TNKS2: variants seen among roughly 807,000 people sequenced by gnomAD.
The protein encoded by TNKS2 is poly [ADP-ribose] polymerase tankyrase-2.
In TNKS2, 72 loss-of-function variants were observed where a neutral mutation model predicts 137.6. The observed-to-expected ratio is 0.52, with a 90% CI of 0.43 to 0.64. The LOEUF (loss-of-function observed/expected upper bound fraction) is 0.64, where lower values mean the gene tolerates loss of function less well. Ranked by LOEUF, TNKS2 falls within the 30% of genes least tolerant of loss-of-function variation. The pLI, the probability that TNKS2 is intolerant of heterozygous loss-of-function variation, is 0.00. For synonymous variants in TNKS2, 516 were observed against 512.1 expected, an observed-to-expected ratio of 1.01 and a Z score of -0.10; for missense variants, 1,049 against 1,410.2, an observed-to-expected ratio of 0.74 and a Z score of 4.10.
intron 13 of TNKS2, among the ~76,000 whole-genome samples, chr10:91,837,878 AT>A (rs1842077963): frequency 6.6e-6 from 1 of 152,102 alleles, no homozygotes; most frequent in Non-Finnish European, 1.5e-5. Flanking sequence ...GATCCTCATT[AT>A]TCTCATTCCC....
At chr10:91,851,443 A>T in intron 21 of TNKS2, 107 bp downstream of exon 21, 1 of 1,266,268 alleles carries the variant, frequency 7.9e-7, no homozygotes, top group Non-Finnish European at 1.1e-6. Flanking sequence ...GTTTAATAGG[A>T]AGAATACTAA....
intron 1 of TNKS2, among the ~76,000 whole-genome samples, chr10:91,802,361 A>G (rs1474382995): frequency 6.6e-6 from 1 of 152,256 alleles, no homozygotes; most frequent in Non-Finnish European, 1.5e-5. Context: ...ATGTGGAAGA[A>G]TCACAAAGAG....
intron 7 of TNKS2, among the ~76,000 whole-genome samples, chr10:91,824,621 T>C (rs1206608130): frequency 6.6e-6 from 1 of 152,200 alleles, no homozygotes; most frequent in Non-Finnish European, 1.5e-5. Flanking sequence ...TATCTTTATC[T>C]TTATTGTGGT....
intron 6 of TNKS2, among the ~76,000 whole-genome samples, chr10:91,822,022 A>G (rs1367509664): frequency 3.3e-5 from 5 of 152,316 alleles, no homozygotes; most frequent in East Asian, 1.9e-4. Context: ...AGCTATTTCA[A>G]TAATGCAGGG....
At chr10:91,845,999 G>A in intron 18 of TNKS2, 59 bp downstream of exon 18, 1 of 1,389,976 alleles carries the variant, frequency 7.2e-7, no homozygotes, top group Non-Finnish European at 9.5e-7. Context: ...AAATTCACTT[G>A]ATGTTATTAT....
intron 1 of TNKS2, among the ~76,000 whole-genome samples, chr10:91,801,854 CA>C (rs1169776986): frequency 9.2e-5 from 14 of 152,094 alleles, no homozygotes; most frequent in African/African-American, 3.4e-4. Context: ...TTACTAAAAG[CA>C]AAAGTATCTG....
chr10:91,813,266 G>C, intron 2 of TNKS2, 59 bp downstream of exon 2: 1 of 1,379,016 alleles, frequency 7.3e-7, no homozygotes. Context: ...AATCTGAACT[G>C]AATTAATCTG....
intron 2 of TNKS2, among the ~76,000 whole-genome samples, chr10:91,816,508 C>T (rs1844702704): frequency 6.6e-6 from 1 of 152,268 alleles, no homozygotes; most frequent in Admixed American, 6.5e-5. Flanking sequence ...TTGCACCTTA[C>T]AAGTGCATTG....
chr10:91,813,327 C>A, intron 2 of TNKS2, 120 bp downstream of exon 2: 1 of 915,142 alleles, frequency 1.1e-6, no homozygotes, highest in Non-Finnish European at 1.6e-6. Flanking sequence ...AAGAACATCC[C>A]ATGATTTAAT....
At chr10:91,809,498 C>T (rs1844431063) in intron 1 of TNKS2, among the ~76,000 whole-genome samples, 2 of 151,924 alleles carry the variant, frequency 1.3e-5, no homozygotes, top group African/African-American at 4.8e-5. Context: ...AACCCCGTCT[C>T]TACTAAAAAT....
chr10:91,856,389 ACT>A (rs1233741899), intron 23 of TNKS2, among the ~76,000 whole-genome samples: 4 of 152,316 alleles, frequency 2.6e-5, no homozygotes, highest in Admixed American at 6.5e-5. Flanking sequence ...CAAATGCTAA[ACT>A]CTGAACAGTA....
At chr10:91,828,533 A>G in intron 9 of TNKS2, 127 bp downstream of exon 9, 1 of 1,034,320 alleles carries the variant, frequency 9.7e-7, no homozygotes, top group South Asian at 2.7e-5. Context: ...GCCTATGCAA[A>G]TATTTTTTAA....
At chr10:91,831,262 T>C in intron 11 of TNKS2, 81 bp downstream of exon 11, 1 of 1,237,252 alleles carries the variant, frequency 8.1e-7, no homozygotes. Context: ...CTTCCTAAAC[T>C]ATTTACTTTC....
chr10:91,824,027 C>CA (rs1455334479), intron 7 of TNKS2, among the ~76,000 whole-genome samples: 4 of 152,040 alleles, frequency 2.6e-5, no homozygotes, highest in Non-Finnish European at 5.9e-5. Context: ...AATGAAACAT[C>CA]AAACAGATTG....
intron 1 of TNKS2, among the ~76,000 whole-genome samples, chr10:91,809,967 A>G (rs963696693): frequency 6.6e-6 from 1 of 152,210 alleles, no homozygotes; most frequent in Non-Finnish European, 1.5e-5. Context: ...GGATTCAACC[A>G]GAATAGTTTT....
rs538192206 is a variant in TNKS2, at chr10:91,822,276, TC to T, written c.729-13del. Reference sequence around the variant, plus strand: ...AGAAATCTATACTGAAACAGGATTTTCCCCCCCTTCTCATTGTAGTGATCTG... The same window carrying T: ...AGAAATCTATACTGAAACAGGATTTTCCCCCCTTCTCATTGTAGTGATCTG... On this transcript the variant is annotated intron_variant, in intron 6 of 26. Coordinates refer to ENST00000371627, the MANE Select transcript of TNKS2 (RefSeq NM_025235.4). 1.0e-5 allele frequency: 16 copies of T among 1,593,770 alleles called. No individual in the cohort carries two copies. Among genetic ancestry groups the T allele is most frequent in the East Asian group, 9.0e-5 (4 of 44,480 alleles).
intron 3 of TNKS2, among the ~76,000 whole-genome samples, chr10:91,817,542 T>TA: frequency 6.6e-6 from 1 of 152,324 alleles, no homozygotes; most frequent in Non-Finnish European, 1.5e-5. Context: ...TCAGATAACT[T>TA]ATGCCTGCCC....
rs764237700 is a variant in TNKS2, at chr10:91,863,259, CAG to C, written c.*263_*264del. 84 of 351,344 alleles carry C rather than the reference CAG, an allele frequency of 2.4e-4. 1 individual carries two copies. Among genetic ancestry groups the C allele is most frequent in the Middle Eastern group, 8.1e-4 (1 of 1,242 alleles). The allele number at this position is 351,344 out of a possible 1,614,324, so 21.8% of individuals were successfully genotyped here. The stretch of plus-strand genomic sequence containing the variant: ...TGGGTTGTCTGTACTAAATTATAAA[CAG>C]AGTTAACTTGAACCTTTTATATGTT... On this transcript the variant is annotated 3_prime_UTR_variant, in exon 27 of 27. Coordinates refer to ENST00000371627, the MANE Select transcript of TNKS2 (RefSeq NM_025235.4).
chr10:91,803,167 C>T (rs969949353), intron 1 of TNKS2, among the ~76,000 whole-genome samples: 1 of 152,182 alleles, frequency 6.6e-6, no homozygotes, highest in Non-Finnish European at 1.5e-5. Context: ...ATTCTTCGTT[C>T]TTAAGAAGTA....
Sources: allele counts gnomAD v4.1 joint callset (sites outside exome capture counted in the v4.1 genomes callset), GRCh38; gene constraint gnomAD v4.1.1; transcripts MANE v1.5; gene names NCBI Gene and HGNC (gene_info 2026-07-23, HGNC 2026-07-21).